Variants in DACH2 observed in about 807,000 individuals in gnomAD.
DACH2 encodes dachshund family transcription factor 2, also known as dachshund homolog 2.
DACH2 carries 17 observed loss-of-function variants against 35.8 expected under a neutral mutation model. The ratio of observed to expected loss-of-function variants is 0.48; its 90% CI spans 0.33 to 0.71. DACH2 has a LOEUF of 0.71. DACH2 is among the 30% of genes least tolerant of loss of function. The pLI, the probability that DACH2 is intolerant of heterozygous loss-of-function variation, is 0.02. For synonymous variants in DACH2, 195 were observed against 177.3 expected (o/e 1.10, Z -0.79); for missense variants, 469 against 472.7 (o/e 0.99, Z 0.07).
At chrX:86,222,572 T>C (rs1318807188) in intron 1 of DACH2, among the ~76,000 whole-genome samples, 6 of 110,993 alleles carry the variant, frequency 5.4e-5, no homozygotes, top group African/African-American at 2.0e-4. Flanking sequence ...AGTTATTGGG[T>C]GGGAGGACTT....
At chrX:86,420,891 A>G (rs768816093) in intron 2 of DACH2, among the ~76,000 whole-genome samples, 3 of 111,499 alleles carry the variant, frequency 2.7e-5, no homozygotes, top group Non-Finnish European at 5.7e-5. Flanking sequence ...ACATTTTTAA[A>G]GAAGCTTGGT....
chrX:86,778,671 C>T (rs1402090387), intron 7 of DACH2, among the ~76,000 whole-genome samples: 2 of 111,159 alleles, frequency 1.8e-5, no homozygotes, highest in Admixed American at 9.5e-5. Flanking sequence ...AGTGCAGTGG[C>T]GTGATCTCAG....
chrX:86,769,315 A>G (rs1442791434), intron 7 of DACH2, among the ~76,000 whole-genome samples: 12 of 112,155 alleles, frequency 1.1e-4, no homozygotes, highest in African/African-American at 3.9e-4. Flanking sequence ...AAAGCATTCC[A>G]TGCTCATGGA....
intron 2 of DACH2, among the ~76,000 whole-genome samples, chrX:86,397,927 C>T (rs1686185583): frequency 8.9e-6 from 1 of 111,873 alleles, no homozygotes; most frequent in Admixed American, 9.5e-5. Context: ...GGAGGATTCC[C>T]TCTTTTTCTA....
chrX:86,578,916 T>A (rs868488788), intron 3 of DACH2, among the ~76,000 whole-genome samples: 9 of 111,671 alleles, frequency 8.1e-5, no homozygotes, highest in Non-Finnish European at 1.7e-4. Context: ...GTTTTTTAAA[T>A]CAATATATAT....
At chrX:86,714,333 A>G (rs913820282) in intron 5 of DACH2, among the ~76,000 whole-genome samples, 2 of 112,231 alleles carry the variant, frequency 1.8e-5, no homozygotes, top group African/African-American at 3.2e-5. Flanking sequence ...AAGCAAAAAC[A>G]AAGCATATTT....
chrX:86,502,642 G>A (rs1294793258), intron 2 of DACH2, among the ~76,000 whole-genome samples: 2 of 111,681 alleles, frequency 1.8e-5, no homozygotes, highest in Non-Finnish European at 3.8e-5. Context: ...TGCCTTCAGG[G>A]AATGTTATTT....
chrX:86,155,693 T>C (rs2030521410), intron 1 of DACH2, among the ~76,000 whole-genome samples: 1 of 111,515 alleles, frequency 9.0e-6, no homozygotes, highest in Non-Finnish European at 1.9e-5. Flanking sequence ...AATTTTCTCT[T>C]ATTCAGCTTT....
chrX:86,605,177 T>C (rs2039840972), intron 3 of DACH2, among the ~76,000 whole-genome samples: 1 of 111,830 alleles, frequency 8.9e-6, no homozygotes, highest in Admixed American at 9.5e-5. Flanking sequence ...ATCAGCAATA[T>C]CAAATTATTG....
In DACH2 at chrX:86,736,159, A is replaced by T. The variant is rs1268140547; in HGVS notation, c.1105-3588A>T. Among the ~76,000 whole-genome samples, 3 of 110,156 alleles carry T rather than the reference A, an allele frequency of 2.7e-5. No individual in the cohort carries two copies. In the Admixed American group the frequency reaches 2.9e-4, roughly 11 times the overall value. On this transcript the variant is annotated intron_variant, in intron 6 of 11. Coordinates refer to ENST00000373125, the MANE Select transcript of DACH2 (RefSeq NM_053281.3). ...AAACATTCCACTTCCACAGAGATTT[A>T]AAAAAAAACACAACACCTAATTCTT... is the stretch of plus-strand genomic sequence containing the variant.
At chrX:86,231,153 C>A (rs2032939614) in intron 1 of DACH2, among the ~76,000 whole-genome samples, 1 of 112,021 alleles carries the variant, frequency 8.9e-6, no homozygotes, top group Non-Finnish European at 1.9e-5. Flanking sequence ...ACTGCCTTAG[C>A]TGTATCCCAG....
At chrX:86,717,775 A>T (rs1366489258) in intron 6 of DACH2, among the ~76,000 whole-genome samples, 1 of 103,021 alleles carries the variant, frequency 9.7e-6, no homozygotes, top group African/African-American at 3.5e-5. Context: ...CATATATATG[A>T]ATACTATTTG....
intron 3 of DACH2, among the ~76,000 whole-genome samples, chrX:86,642,230 C>G (rs991745274): frequency 1.8e-5 from 2 of 111,198 alleles, no homozygotes; most frequent in Admixed American, 1.9e-4. Flanking sequence ...CGTCATGACA[C>G]TCATAGGCTC....
chrX:86,240,081 C>T, intron 1 of DACH2, among the ~76,000 whole-genome samples: 1 of 111,796 alleles, frequency 8.9e-6, no homozygotes, highest in African/African-American at 3.3e-5. Flanking sequence ...TTCATCTCAA[C>T]ATTTTTATCT....
rs1301340587 is a variant in DACH2 at position 86,391,068 on chromosome X, G to GTGAC, written c.527+14207_527+14208insGACT. On this transcript the variant is annotated intron_variant, in intron 2 of 11. Transcript: ENST00000373125. ...GGCTAAGGCGGGTGGATCACCTGAG[G>GTGAC]TCAGGAGTTGGAGACCAGCCTGGCC... Among the ~76,000 whole-genome samples the GTGAC allele has an allele frequency of 7.4e-5, 8 of 107,521 alleles. No homozygotes were observed. In the East Asian group the frequency reaches 2.4e-3, roughly 32 times the overall value. 93.4% of individuals were successfully genotyped at this position (107,521 alleles called of 115,157 possible). A position where few individuals can be genotyped will look rare whatever the true frequency, so the allele number is the denominator to read the frequency against.
intron 7 of DACH2, among the ~76,000 whole-genome samples, chrX:86,783,119 A>G (rs761719384): frequency 1.4e-4 from 16 of 112,004 alleles, no homozygotes; most frequent in Non-Finnish European, 2.1e-4. Context: ...TTGAACAGAC[A>G]TTTCTCAAAA....
intron 7 of DACH2, among the ~76,000 whole-genome samples, chrX:86,765,676 T>G (rs1293781557): frequency 3.9e-5 from 4 of 103,861 alleles, no homozygotes; most frequent in African/African-American, 1.4e-4. Context: ...ATGCCTCTGG[T>G]TTTTTTTGTT....
intron 3 of DACH2, among the ~76,000 whole-genome samples, chrX:86,525,600 G>T (rs775131412): frequency 3.6e-5 from 4 of 111,518 alleles, no homozygotes; most frequent in Non-Finnish European, 7.5e-5. Flanking sequence ...TATGGCTAAT[G>T]AATTAATATG....
chrX:86,537,858 A>G (rs1020903459), intron 3 of DACH2, among the ~76,000 whole-genome samples: 5 of 111,526 alleles, frequency 4.5e-5, no homozygotes, highest in Non-Finnish European at 7.5e-5. Context: ...AAAGAAGTGA[A>G]AATGGCCGGT....
Sources: gnomAD v4.1 joint callset for allele counts (sites outside exome capture counted in the v4.1 genomes callset) on GRCh38, gnomAD v4.1.1 for gene constraint, MANE v1.5 for transcripts, NCBI Gene and HGNC (gene_info 2026-07-23, HGNC 2026-07-21) for gene names.